Variants in CNTLN observed in about 807,000 individuals in gnomAD.
The protein encoded by CNTLN is centlein, centrosomal protein.
CNTLN carries 212 observed loss-of-function variants against 180.0 expected under a neutral mutation model. That is an observed-to-expected ratio of 1.18 (90% CI 1.05 to 1.32). The LOEUF is 1.32. Among genes scored for constraint, CNTLN ranks in the 40% most tolerant of loss-of-function variants. The pLI is 0.00. For synonymous variants in CNTLN, 722 were observed against 563.1 expected (o/e 1.28, Z -3.99); for missense variants, 2,095 against 1,610.9 (o/e 1.30, Z -5.14).
At chr9:17,263,174 T>A (rs199688897) in intron 5 of CNTLN, among the ~76,000 whole-genome samples, 1 of 147,054 alleles carries the variant, frequency 6.8e-6, no homozygotes, top group Non-Finnish European at 1.5e-5. Flanking sequence ...GTATATCTCC[T>A]AATGCTATCC....
intron 6 of CNTLN, among the ~76,000 whole-genome samples, chr9:17,295,753 A>G (rs1468213352): frequency 2.6e-5 from 4 of 151,852 alleles, no homozygotes; most frequent in South Asian, 2.1e-4. Context: ...TGTATTTGCA[A>G]CATTGGTGTA....
intron 2 of CNTLN, among the ~76,000 whole-genome samples, chr9:17,193,739 G>C (rs113049497): frequency 0.014 from 2,142 of 152,268 alleles, 82 homozygotes; most frequent in East Asian, 0.13. Flanking sequence ...TCTTCTCACA[G>C]TTCCACTAGG....
At chr9:17,493,499 C>T (rs1833281411) in intron 25 of CNTLN, among the ~76,000 whole-genome samples, 1 of 152,094 alleles carries the variant, frequency 6.6e-6, no homozygotes, top group East Asian at 1.9e-4. Flanking sequence ...AAATTGTGCC[C>T]TAAAAATATG....
intron 5 of CNTLN, among the ~76,000 whole-genome samples, chr9:17,248,373 T>C (rs1825929396): frequency 1.3e-5 from 2 of 151,954 alleles, no homozygotes; most frequent in South Asian, 4.1e-4. Context: ...TGAATTTTTC[T>C]TTTTTGGGAG....
intron 8 of CNTLN, among the ~76,000 whole-genome samples, chr9:17,317,590 A>G (rs1819615720): frequency 2.6e-5 from 4 of 152,306 alleles, no homozygotes; most frequent in African/African-American, 9.6e-5. Context: ...AATAAGTGCT[A>G]TGGAGAAAAA....
chr9:17,412,294 C>T (rs1827908987), intron 16 of CNTLN, among the ~76,000 whole-genome samples: 2 of 152,084 alleles, frequency 1.3e-5, no homozygotes, highest in Non-Finnish European at 2.9e-5. Flanking sequence ...GATACAGAAC[C>T]TTGAAGTTCT....
At chr9:17,523,182 A>G in the CNTLN span, among the ~76,000 whole-genome samples, 1 of 152,132 alleles carries the variant, frequency 6.6e-6, no homozygotes, top group African/African-American at 2.4e-5. Context: ...TTATAACCAT[A>G]ATATTGGTCC....
intron 14 of CNTLN, among the ~76,000 whole-genome samples, chr9:17,390,852 C>G (rs922062997): frequency 1.3e-5 from 2 of 151,990 alleles, no homozygotes; most frequent in African/African-American, 2.4e-5. Flanking sequence ...TTGACCAGTT[C>G]TCATGATTAA....
At chr9:17,138,472 C>T (rs938333775) in intron 1 of CNTLN, among the ~76,000 whole-genome samples, 47 of 152,242 alleles carry the variant, frequency 3.1e-4, no homozygotes, top group African/African-American at 1.1e-3. Flanking sequence ...TGTATGTGAT[C>T]AGAGAAGTCA....
At chr9:17,362,959 A>T (rs576470512) in intron 12 of CNTLN, among the ~76,000 whole-genome samples, 1 of 151,424 alleles carries the variant, frequency 6.6e-6, no homozygotes, top group Non-Finnish European at 1.5e-5. Context: ...TCATTGTCCA[A>T]CTCCCACTTA....
chr9:17,172,836 G>C (rs1022671108), intron 2 of CNTLN, among the ~76,000 whole-genome samples: 6 of 152,078 alleles, frequency 3.9e-5, no homozygotes, highest in African/African-American at 1.4e-4. Context: ...TATTTGATCT[G>C]ACTAGCCTTT....
intron 18 of CNTLN, among the ~76,000 whole-genome samples, chr9:17,457,296 A>G (rs888900703): frequency 2.6e-5 from 4 of 152,202 alleles, no homozygotes; most frequent in Non-Finnish European, 5.9e-5. Flanking sequence ...AGCCAACCAA[A>G]AGATATTGAG....
At chr9:17,378,372 G>A (rs1374126967) in intron 13 of CNTLN, among the ~76,000 whole-genome samples, 1 of 151,936 alleles carries the variant, frequency 6.6e-6, no homozygotes, top group Non-Finnish European at 1.5e-5. Context: ...GTAGAGATGG[G>A]GTTTCACCAT....
At chr9:17,416,954 A>G (rs767913343) in intron 18 of CNTLN, among the ~76,000 whole-genome samples, 1 of 152,262 alleles carries the variant, frequency 6.6e-6, no homozygotes, top group Non-Finnish European at 1.5e-5. Flanking sequence ...TAAATTCTCT[A>G]ATTCTAGTAT....
intron 25 of CNTLN, among the ~76,000 whole-genome samples, chr9:17,500,608 G>C (rs1833694425): frequency 6.6e-6 from 1 of 152,192 alleles, no homozygotes; most frequent in Non-Finnish European, 1.5e-5. Context: ...CTCTTGGAGA[G>C]ATCAGTGCCT....
chr9:17,212,425 A>G (rs534943848), intron 2 of CNTLN, among the ~76,000 whole-genome samples: 18 of 152,306 alleles, frequency 1.2e-4, no homozygotes, highest in Non-Finnish European at 1.9e-4. Flanking sequence ...ATGGTGGATA[A>G]GCTTTTTGAT....
intron 18 of CNTLN, among the ~76,000 whole-genome samples, chr9:17,452,650 G>C (rs1830850717): frequency 1.3e-5 from 2 of 152,128 alleles, no homozygotes; most frequent in Admixed American, 1.3e-4. Context: ...ACTGAAAACA[G>C]AGAACTAGTA....
intron 25 of CNTLN, among the ~76,000 whole-genome samples, chr9:17,501,567 A>T (rs536591862): frequency 6.6e-6 from 1 of 152,378 alleles, no homozygotes; most frequent in African/African-American, 2.4e-5. Context: ...CTTGGGTCAG[A>T]TGCCGACAGT....
chr9:17,203,469 A>G (rs996947999), intron 2 of CNTLN, among the ~76,000 whole-genome samples: 2 of 152,132 alleles, frequency 1.3e-5, no homozygotes, highest in East Asian at 1.9e-4. Flanking sequence ...CGGTACACCA[A>G]TCATTCGTAG....
Sources: gnomAD v4.1 joint callset for allele counts (sites outside exome capture counted in the v4.1 genomes callset) on GRCh38, gnomAD v4.1.1 for gene constraint, MANE v1.5 for transcripts, NCBI Gene and HGNC (gene_info 2026-07-23, HGNC 2026-07-21) for gene names.